ZXDC: variants seen among roughly 807,000 people sequenced by gnomAD.
ZXDC encodes the protein zinc finger protein ZXDC.
A neutral mutation model predicts 63.6 loss-of-function variants in ZXDC; 58 were observed. That is an observed-to-expected ratio of 0.91 (90% confidence interval 0.74 to 1.13). The LOEUF (loss-of-function observed/expected upper bound fraction) is 1.13, where lower values mean the gene tolerates loss of function less well. ZXDC is among the 50% of genes most tolerant of loss of function. ZXDC has a pLI of 0.00. For missense variants in ZXDC, 1,133 were observed against 1,148.9 expected, an observed-to-expected ratio of 0.99 and a Z score of 0.20; for synonymous variants, 561 against 496.1, an observed-to-expected ratio of 1.13 and a Z score of -1.74.
At chr3:126,463,076 TTA>T (rs754509002) in intron 5 of ZXDC, among the ~76,000 whole-genome samples, 16 of 24,684 alleles carry the variant, frequency 6.5e-4, no homozygotes, top group East Asian at 9.8e-4. Flanking sequence ...ATTATTATTA[TTA>T]TTTTTTTTGA....
At position 126,471,967 on chromosome 3, in the gene ZXDC, G is replaced by A. The variant is rs1368421514; in HGVS notation, c.1139+6C>T. ...CTGATAATGCAAACCAAAATGTAAG[G>A]ATTACCTTCTGTGCCTTAGAAGTTT... On this transcript the variant is annotated splice_donor_region_variant and intron_variant, in intron 3 of 9. Transcript: ENST00000389709. 6.2e-7 allele frequency: 1 copy of A among 1,608,190 alleles called. No individual in the cohort carries two copies. The highest frequency in any genetic ancestry group is 1.7e-5 in the Admixed American group (1 of 58,902).
rs968863711 is a variant in ZXDC at position 126,475,779 on chromosome 3, C to A, written c.87G>T (p.Ala29=). 2 of 1,123,734 alleles carry A rather than the reference C, an allele frequency of 1.8e-6. No homozygotes were observed. Among genetic ancestry groups the A allele is most frequent in the Non-Finnish European group, 2.2e-6 (2 of 920,300 alleles). 69.6% of individuals were successfully genotyped at this position (1,123,734 alleles called of 1,614,324 possible). A position where few individuals can be genotyped will look rare whatever the true frequency, so the allele number is the denominator to read the frequency against. The change falls in exon 1 of 10, where the codon GCG becomes GCT. Residue 29 remains alanine, a synonymous_variant. Transcript: ENST00000389709. Reference sequence around the variant, plus strand: ...GGCGCGCGGGGCTCGCGCCGAGCGGCGCTGGGGCTCGGCGGAGCGGGCCGG... The same window carrying A: ...GGCGCGCGGGGCTCGCGCCGAGCGGAGCTGGGGCTCGGCGGAGCGGGCCGG... The part of the protein sequence containing the change: ...GGPGPLRRAP[A]PLGASPARRR...
chr3:126,463,738 C>T (rs777720172), intron 5 of ZXDC, among the ~76,000 whole-genome samples: 5 of 152,194 alleles, frequency 3.3e-5, no homozygotes, highest in Non-Finnish European at 7.3e-5. Flanking sequence ...GTTCTCTGAT[C>T]CTATTTCTCC....
Position 126,474,892 on chromosome 3 carries a change from G to A in ZXDC, c.907+67C>T, listed in dbSNP as rs2107663112. 5 of 1,487,104 alleles carry A rather than the reference G, an allele frequency of 3.4e-6. No individual in the cohort carries two copies. In the African/African-American group the frequency reaches 5.6e-5, roughly 17 times the overall value. The allele number at this position is 1,487,104 out of a possible 1,614,324, so 92.1% of individuals were successfully genotyped here. A position where few individuals can be genotyped will look rare whatever the true frequency, so the allele number is the denominator to read the frequency against. On this transcript the variant is annotated intron_variant, in intron 1 of 9. Coordinates refer to ENST00000389709, the MANE Select transcript of ZXDC (RefSeq NM_025112.5). ...AAGGTCTGGCAGGCCCCTCTGTGGG[G>A]CGGACGTGGCACCCCAGACCTGCCT...
chr3:126,469,108 A>C lies in ZXDC; in HGVS notation c.1270+1787T>G, dbSNP rs530970026. On this transcript the variant is annotated intron_variant, in intron 4 of 9. Transcript: ENST00000389709. ...ATAAGGAAGAGGCACAGAGAGCTTCAAGTGTTTGTCCGAGGCCCCAGACCT... is the reference window on the plus strand; with the variant it reads ...ATAAGGAAGAGGCACAGAGAGCTTCCAGTGTTTGTCCGAGGCCCCAGACCT... Among the ~76,000 whole-genome samples, 7 of 152,304 alleles carry C rather than the reference A, an allele frequency of 4.6e-5. No homozygotes were observed. In the South Asian group the frequency reaches 6.2e-4, roughly 14 times the overall value.
rs1015947326 is a variant in ZXDC at position 126,459,180 on chromosome 3, A to T, written c.2212+473T>A. 6 of 985,356 alleles carry T rather than the reference A, an allele frequency of 6.1e-6. No homozygotes were observed. In the Admixed American group the frequency reaches 3.7e-4, roughly 61 times the overall value. The allele number at this position is 985,356 out of a possible 1,614,324, so 61.0% of individuals were successfully genotyped here. Reference sequence around the variant, plus strand: ...TTGTTTGGTCTTTAAAAATGCAAGTAAGTTGCTAACATTTTCAAATAAGAT... The same window carrying T: ...TTGTTTGGTCTTTAAAAATGCAAGTTAGTTGCTAACATTTTCAAATAAGAT... On this transcript the variant is annotated intron_variant, in intron 7 of 9. Coordinates refer to ENST00000389709, the MANE Select transcript of ZXDC (RefSeq NM_025112.5).
chr3:126,457,339 T>A, intron 7 of ZXDC: 1 of 985,412 alleles, frequency 1.0e-6, no homozygotes. Context: ...TGCAGGAATA[T>A]GTGTCTAAAA....
intron 7 of ZXDC, among the ~76,000 whole-genome samples, chr3:126,448,683 T>C (rs757481420): frequency 6.6e-6 from 1 of 151,566 alleles, no homozygotes; most frequent in Non-Finnish European, 1.5e-5. Flanking sequence ...GTCACCAGAG[T>C]CCAGAACAGG....
intron 7 of ZXDC, 110 bp from the exon 8 acceptor site, chr3:126,442,056 T>G: frequency 7.8e-7 from 1 of 1,289,860 alleles, no homozygotes; most frequent in Non-Finnish European, 1.0e-6. Flanking sequence ...ATTGTCATTC[T>G]GCACAGCTAA....
At chr3:126,463,903 T>C (rs776090694) in intron 5 of ZXDC, among the ~76,000 whole-genome samples, 5 of 152,236 alleles carry the variant, frequency 3.3e-5, no homozygotes, top group East Asian at 3.8e-4. Context: ...TCCTCTTTAG[T>C]TGTCATATTA....
chr3:126,457,777 G>T, intron 7 of ZXDC: 1 of 523,306 alleles, frequency 1.9e-6, no homozygotes, highest in Non-Finnish European at 2.5e-6. Context: ...AGTGGATCCA[G>T]TATCTGGTCA....
rs1560090997 is a variant in ZXDC at position 126,446,641 on chromosome 3, C to CT, written c.2213-4696dup. The stretch of plus-strand genomic sequence containing the variant: ...CCTCACTTGAACAGGAGGTAAGTGA[C>CT]TATTTTCCCAATTCTCCCAAGGGTG... On this transcript the variant is annotated intron_variant, in intron 7 of 9. Transcript: ENST00000389709. Among the ~76,000 whole-genome samples, 3 of 152,296 alleles carry CT rather than the reference C, an allele frequency of 2.0e-5. No individual in the cohort carries two copies. In the South Asian group the frequency reaches 6.2e-4, roughly 32 times the overall value.
chr3:126,438,413 A>C lies in ZXDC; in HGVS notation c.2539T>G (p.Phe847Val). ...GGPAGPEATQ[F>V]PGSTINLQDL... ...TGCAGGTTGATAGTGCTTCCTGGGA[A>C]CTGGGTGGCCTCCGGTCCAGCAGGG... The change falls in exon 10 of 10, where the codon TTC becomes GTC. Residue 847 changes from phenylalanine (F) to valine (V), a missense_variant. Physicochemically the swap from Phe to Val is conservative, Grantham distance 50 (BLOSUM62 -1). Transcript: ENST00000389709. The C allele has an allele frequency of 6.2e-7, 1 of 1,613,810 alleles. No individual in the cohort carries two copies. Among genetic ancestry groups the C allele is most frequent in the South Asian group, 1.1e-5 (1 of 90,984 alleles).
chr3:126,449,941 G>A (rs961380962), intron 7 of ZXDC, among the ~76,000 whole-genome samples: 1 of 152,196 alleles, frequency 6.6e-6, no homozygotes, highest in Non-Finnish European at 1.5e-5. Context: ...GGACCATGGC[G>A]CTCACTCATG....
At chr3:126,461,278 C>T (rs3231) in intron 6 of ZXDC, 772,451 of 1,278,272 alleles carry the variant, frequency 0.6, 240,036 homozygotes, top group Non-Finnish European at 0.64. Flanking sequence ...ACCATGGAGC[C>T]ACAGGACTCC....
At chr3:126,463,784 C>A (rs1934647268) in intron 5 of ZXDC, among the ~76,000 whole-genome samples, 1 of 152,198 alleles carries the variant, frequency 6.6e-6, no homozygotes, top group Non-Finnish European at 1.5e-5. Flanking sequence ...CTCATACCTG[C>A]AGGCTGTGAA....
rs568970948 is a variant in ZXDC, at chr3:126,471,598, A to G, written c.1139+375T>C. Among the ~76,000 whole-genome samples, 511 of 152,278 alleles carry G rather than the reference A, an allele frequency of 3.4e-3. 4 individuals are homozygous for G. The highest frequency in any genetic ancestry group is 0.012 in the African/African-American group (479 of 41,558). On this transcript the variant is annotated intron_variant, in intron 3 of 9. Coordinates refer to ENST00000389709, the MANE Select transcript of ZXDC (RefSeq NM_025112.5). ...GTTGTTGGGAAGGTAGAAGACACAC[A>G]TGTAAAGTGCTGAGTGTCACCTGGA...
chr3:126,454,549 C>T, intron 7 of ZXDC: 1 of 985,404 alleles, frequency 1.0e-6, no homozygotes, highest in Non-Finnish European at 1.2e-6. Context: ...TGCACCTCTC[C>T]TAGACAACAC....
At chr3:126,442,347 C>A (rs1933715951) in intron 7 of ZXDC, 1 of 158,114 alleles carries the variant, frequency 6.3e-6, no homozygotes, top group Non-Finnish European at 1.4e-5. Flanking sequence ...CGGGCGGTCT[C>A]CATACCCCAC....
Sources: allele counts gnomAD v4.1 joint callset (sites outside exome capture counted in the v4.1 genomes callset), GRCh38; gene constraint gnomAD v4.1.1; transcripts MANE v1.5; gene names NCBI Gene and HGNC (gene_info 2026-07-23, HGNC 2026-07-21).